FCHO1: variants seen among roughly 807,000 people sequenced by gnomAD.
The protein encoded by FCHO1 is FCH and mu domain containing endocytic adaptor 1.
In FCHO1, 45 loss-of-function variants were observed where a neutral mutation model predicts 114.4. That is an observed-to-expected ratio of 0.39 (90% CI 0.31 to 0.50). The LOEUF is 0.50. Ranked by LOEUF, FCHO1 falls within the 20% of genes least tolerant of loss-of-function variation. The pLI, the probability that FCHO1 is intolerant of heterozygous loss-of-function variation, is 0.77. For missense variants in FCHO1, 1,042 were observed against 1,209.6 expected (o/e 0.86, Z 2.06); for synonymous variants, 480 against 488.9 (o/e 0.98, Z 0.24).
At chr19:17,780,913 A>G (rs1347500334) in intron 20 of FCHO1, among the ~76,000 whole-genome samples, 1 of 152,176 alleles carries the variant, frequency 6.6e-6, no homozygotes, top group African/African-American at 2.4e-5. Context: ...AAATGGCTGA[A>G]TGTTGGCTAA....
intron 5 of FCHO1, 72 bp downstream of exon 5, chr19:17,762,925 G>T (rs565373484): frequency 9.7e-7 from 1 of 1,032,778 alleles, no homozygotes; most frequent in African/African-American, 1.6e-5. Flanking sequence ...TAATGGCTAC[G>T]CCCTGCATGG....
Position 17,755,169 on chromosome 19 carries a change from C to G in FCHO1, c.5C>G (p.Ser2Trp), listed in dbSNP as rs1382906625. The change falls in exon 4 of 29, where the codon TCG becomes TGG. Residue 2 changes from serine (S) to tryptophan (W), a missense_variant. Coordinates refer to ENST00000596536, the MANE Select transcript of FCHO1 (RefSeq NM_015122.3). ...GTCTCCACAGAGACCATCAGGATGT[C>G]GTATTTTGGGGAGCATTTTTGGGTA... M[S>W]YFGEHFWGEK... 1.2e-6 allele frequency: 2 copies of G among 1,611,434 alleles called. No homozygotes were observed. The highest frequency in any genetic ancestry group is 2.7e-5 in the African/African-American group (2 of 74,700).
chr19:17,772,863 A>T, intron 11 of FCHO1, 122 bp downstream of exon 11: 1 of 698,140 alleles, frequency 1.4e-6, no homozygotes, highest in Non-Finnish European at 2.4e-6. Flanking sequence ...AGGTTTCACC[A>T]TGTTGGCCAG....
In FCHO1 at chr19:17,781,511, G is replaced by T; in HGVS notation, c.1800G>T (p.Arg600=). 6.2e-7 allele frequency: 1 copy of T among 1,613,998 alleles called. No homozygotes were observed. The highest frequency in any genetic ancestry group is 2.2e-5 in the East Asian group (1 of 44,876). Reference sequence around the variant, plus strand: ...CAGCCGCCAGCACTGCCTTGGAACGGCCCAGCTTCTTATCCCAGACAGGAC... The same window carrying T: ...CAGCCGCCAGCACTGCCTTGGAACGTCCCAGCTTCTTATCCCAGACAGGAC... ...GSSAASTALE[R]PSFLSQTGHG... The change falls in exon 22 of 29, where the codon CGG becomes CGT. Residue 600 remains arginine, a synonymous_variant. Transcript: ENST00000596536.
intron 6 of FCHO1, among the ~76,000 whole-genome samples, chr19:17,765,033 CA>C (rs1453148582): frequency 4.1e-5 from 6 of 144,996 alleles, no homozygotes; most frequent in Non-Finnish European, 9.0e-5. Flanking sequence ...CACTGCACTC[CA>C]GCCTGGGCAA....
chr19:17,774,523 TCC>T, intron 13 of FCHO1, 45 bp downstream of exon 13: 1 of 1,496,874 alleles, frequency 6.7e-7, no homozygotes, highest in Non-Finnish European at 9.3e-7. Context: ...TAGACCGAGA[TCC>T]CCTCCCCTGC....
chr19:17,786,681 G>C (rs2093927523), intron 27 of FCHO1, 52 bp downstream of exon 27: 1 of 1,563,412 alleles, frequency 6.4e-7, no homozygotes, highest in African/African-American at 1.4e-5. Context: ...GGGTCAGGTG[G>C]GAGGCACTTA....
chr19:17,783,343 T>A (rs1460206399), intron 24 of FCHO1, among the ~76,000 whole-genome samples, 171 bp downstream of exon 24: 2 of 151,454 alleles, frequency 1.3e-5, no homozygotes. Flanking sequence ...CTCGGCTCAC[T>A]GCAACTCCGC....
rs1212547565 is a variant in FCHO1 at position 17,762,953 on chromosome 19, G to T, written c.119+100G>T. On this transcript the variant is annotated intron_variant, in intron 5 of 28. Transcript: ENST00000596536. ...CTGCATGGTCAGGGGCTAGAACCCT[G>T]GGGATTCCAGGAACCAGAGGGGCTC... 4 of 791,334 alleles carry T rather than the reference G, an allele frequency of 5.1e-6. No homozygotes were observed. In the East Asian group the frequency reaches 1.0e-4, roughly 20 times the overall value. The allele number at this position is 791,334 out of a possible 1,614,324, so 49.0% of individuals were successfully genotyped here.
intron 4 of FCHO1, chr19:17,755,420 G>A (rs551508237): frequency 1.7e-5 from 7 of 416,446 alleles, no homozygotes; most frequent in East Asian, 1.2e-4. Flanking sequence ...GGGAGACCAA[G>A]GGCCAGAGTG....
intron 18 of FCHO1, among the ~76,000 whole-genome samples, chr19:17,777,180 G>A (rs2092733429): frequency 6.6e-6 from 1 of 152,030 alleles, no homozygotes; most frequent in African/African-American, 2.4e-5. Context: ...GCTGTTCTAG[G>A]GTCTGGGTTC....
intron 6 of FCHO1, among the ~76,000 whole-genome samples, chr19:17,766,129 A>G (rs2089023698): frequency 6.7e-6 from 1 of 149,742 alleles, no homozygotes; most frequent in African/African-American, 2.5e-5. Flanking sequence ...TGACCTTGTG[A>G]TCTGCCCACC....
intron 6 of FCHO1, 106 bp from the exon 7 acceptor site, chr19:17,766,563 A>C: frequency 7.1e-7 from 1 of 1,412,706 alleles, no homozygotes; most frequent in South Asian, 1.3e-5. Flanking sequence ...GTATTCATTC[A>C]TGTTTAGCAG....
At chr19:17,785,047 C>A in intron 26 of FCHO1, 123 bp downstream of exon 26, 3 of 918,570 alleles carry the variant, frequency 3.3e-6, no homozygotes, top group East Asian at 2.6e-5. Flanking sequence ...GCCCACCCTG[C>A]TTAGCACTAA....
rs2092633887 is a variant in FCHO1 at position 17,776,366 on chromosome 19, C to T, written c.1207+95C>T. 1 of 1,506,248 alleles carries T rather than the reference C, an allele frequency of 6.6e-7. No individual in the cohort carries two copies. Among genetic ancestry groups the T allele is most frequent in the Non-Finnish European group, 9.2e-7 (1 of 1,082,406 alleles). 93.3% of individuals were successfully genotyped at this position (1,506,248 alleles called of 1,614,324 possible). A position where few individuals can be genotyped will look rare whatever the true frequency, so the allele number is the denominator to read the frequency against. ...CATAACTCCGTTTTGTAACTTTGGG[C>T]AGGCTGCTTAACCACACTGACCTTC... On this transcript the variant is annotated intron_variant, in intron 17 of 28. Coordinates refer to ENST00000596536, the MANE Select transcript of FCHO1 (RefSeq NM_015122.3). This position sits in a 1 kb window ranked among gnomAD's most constrained non-coding sequence, Gnocchi z 4.4.
intron 11 of FCHO1, 30 bp downstream of exon 11, chr19:17,772,771 C>T: frequency 6.5e-7 from 1 of 1,545,900 alleles, no homozygotes; most frequent in Non-Finnish European, 8.9e-7. Flanking sequence ...GGGGGTCGGG[C>T]TTCGGGGCCA....
upstream of FCHO1, among the ~76,000 whole-genome samples, chr19:17,749,510 G>A (rs1319606187): frequency 3.9e-5 from 6 of 152,142 alleles, no homozygotes; most frequent in Non-Finnish European, 8.8e-5. Flanking sequence ...GGAGACTCCA[G>A]CACCTGGGAA....
At position 17,766,742 on chromosome 19, in the gene FCHO1, C is replaced by A; in HGVS notation, c.268C>A (p.Arg90=). Residue 90 remains arginine, a synonymous_variant, in exon 7 of 29, where the codon CGG becomes AGG. Coordinates refer to ENST00000596536, the MANE Select transcript of FCHO1 (RefSeq NM_015122.3). The part of the protein sequence containing the change: ...KLALCHLELT[R]KLQDLIKDVL... ...GGCGCTGTGCCACCTGGAACTGACACGGAAGTTACAGGATCTCATCAAGGA... is the reference window on the plus strand; with the variant it reads ...GGCGCTGTGCCACCTGGAACTGACAAGGAAGTTACAGGATCTCATCAAGGA... 6.2e-7 allele frequency: 1 copy of A among 1,614,124 alleles called. No homozygotes were observed. Among genetic ancestry groups the A allele is most frequent in the Non-Finnish European group, 8.5e-7 (1 of 1,179,988 alleles).
At chr19:17,752,761 T>G (rs1368939408) in intron 1 of FCHO1, among the ~76,000 whole-genome samples, 2 of 151,710 alleles carry the variant, frequency 1.3e-5, no homozygotes, top group Non-Finnish European at 2.9e-5. Flanking sequence ...AAATTTATTT[T>G]TAATTAGTTA....
Sources: allele counts gnomAD v4.1 joint callset (sites outside exome capture counted in the v4.1 genomes callset), GRCh38; gene constraint gnomAD v4.1.1; non-coding constraint Gnocchi (gnomAD v3.1); transcripts MANE v1.5; gene names NCBI Gene and HGNC (gene_info 2026-07-23, HGNC 2026-07-21).